Variants in NRG1 observed in about 807,000 individuals in gnomAD.
NRG1 encodes neuregulin 1, also known as pro-neuregulin-1, membrane-bound isoform.
A neutral mutation model predicts 63.8 loss-of-function variants in NRG1; 18 were observed. The observed-to-expected ratio is 0.28, with a 90% CI of 0.19 to 0.42. The LOEUF (loss-of-function observed/expected upper bound fraction) is 0.42, where lower values mean the gene tolerates loss of function less well. NRG1 is among the 10% of genes least tolerant of loss of function. The pLI, the probability that NRG1 is intolerant of heterozygous loss-of-function variation, is 1.00. For missense variants in NRG1, 762 were observed against 814.7 expected (o/e 0.94, Z 0.79); for synonymous variants, 302 against 301.3 (o/e 1.00, Z -0.02).
At chr8:32,625,038 T>A (rs918810692) in intron 5 of NRG1, among the ~76,000 whole-genome samples, 2 of 152,210 alleles carry the variant, frequency 1.3e-5, no homozygotes, top group Non-Finnish European at 2.9e-5. Context: ...TAACACTGAT[T>A]GAGGTTTTAT....
chr8:32,383,230 GACA>G (rs368231527), intron 1 of NRG1, among the ~76,000 whole-genome samples: 10 of 152,002 alleles, frequency 6.6e-5, no homozygotes, highest in African/African-American at 2.4e-4. Flanking sequence ...GTCTCTAAAA[GACA>G]ACAACAAAAA....
chr8:31,776,216 G>A (rs921125370), intron 1 of NRG1, among the ~76,000 whole-genome samples: 4 of 152,168 alleles, frequency 2.6e-5, no homozygotes, highest in Non-Finnish European at 5.9e-5. Context: ...ATGAAAGTTC[G>A]AGAACCACTG....
At chr8:32,276,086 C>T (rs1852069507) in intron 1 of NRG1, among the ~76,000 whole-genome samples, 1 of 152,122 alleles carries the variant, frequency 6.6e-6, no homozygotes, top group African/African-American at 2.4e-5. Flanking sequence ...AAAAGATACC[C>T]CAGAGTATTG....
intron 1 of NRG1, among the ~76,000 whole-genome samples, chr8:32,409,492 A>G (rs1040563088): frequency 7.2e-5 from 11 of 152,356 alleles, no homozygotes; most frequent in African/African-American, 2.6e-4. Context: ...GGGTGAAAAT[A>G]CTTGCAAAGT....
chr8:31,742,041 C>T (rs1371518588), intron 1 of NRG1, among the ~76,000 whole-genome samples: 1 of 151,984 alleles, frequency 6.6e-6, no homozygotes, highest in East Asian at 1.9e-4. Context: ...CAGTGTTACT[C>T]ATCAATCTGG....
In NRG1 at chr8:32,223,313, T is replaced by C. The variant is rs536777183; in HGVS notation, c.38-372515T>C. 1.2e-4 allele frequency among the ~76,000 whole-genome samples: 18 copies of C among 152,374 alleles called. No individual in the cohort carries two copies. The South Asian group carries it at 3.1e-3, about 26-fold the overall frequency. On this transcript the variant is annotated intron_variant, in intron 1 of 10. Coordinates refer to the NRG1 transcript ENST00000519301. ...GTATTTTATTGGTATAAAATAACTT[T>C]AGAGTTCTATTTCATTGCATTGCAA...
At chr8:32,003,613 T>G (rs1813292446) in intron 1 of NRG1, among the ~76,000 whole-genome samples, 1 of 151,970 alleles carries the variant, frequency 6.6e-6, no homozygotes, top group Non-Finnish European at 1.5e-5. Context: ...AAAAAATAAA[T>G]AAATCAAGGA....
chr8:32,577,328 A>C (rs1038601741), intron 1 of NRG1, among the ~76,000 whole-genome samples: 2 of 152,116 alleles, frequency 1.3e-5, no homozygotes, highest in Non-Finnish European at 2.9e-5. Context: ...TTTCATATTC[A>C]TTTTAGTAAA....
intron 1 of NRG1, among the ~76,000 whole-genome samples, chr8:32,154,111 G>A (rs1246881295): frequency 2.0e-5 from 3 of 152,216 alleles, no homozygotes; most frequent in African/African-American, 7.2e-5. Flanking sequence ...ATGGAAGTTT[G>A]TATAAACTAG....
intron 5 of NRG1, among the ~76,000 whole-genome samples, chr8:32,725,195 C>T (rs1378578754): frequency 6.6e-6 from 1 of 152,002 alleles, no homozygotes; most frequent in Non-Finnish European, 1.5e-5. Flanking sequence ...TGGCATTTGT[C>T]CTGAGAGAGC....
At position 32,233,441 on chromosome 8, in the gene NRG1, C is replaced by T. The variant is rs1173058607; in HGVS notation, c.38-362387C>T. ...ATTATAAATAAATACCAATAATGTA[C>T]TTTCACATATGAAAAGGCTATAAAA... On this transcript the variant is annotated intron_variant, in intron 1 of 10. Transcript: ENST00000519301. Among the ~76,000 whole-genome samples, 5 of 150,044 alleles carry T rather than the reference C, an allele frequency of 3.3e-5. No homozygotes were observed. In the East Asian group the frequency reaches 7.9e-4, roughly 24 times the overall value.
intron 1 of NRG1, among the ~76,000 whole-genome samples, chr8:32,444,077 C>T (rs947696456): frequency 2.2e-4 from 31 of 140,432 alleles, no homozygotes; most frequent in African/African-American, 8.0e-4. Flanking sequence ...TCTCTTCCCT[C>T]CCTCCCTCCC....
At chr8:31,808,845 C>T (rs1295424388) in intron 1 of NRG1, among the ~76,000 whole-genome samples, 4 of 151,984 alleles carry the variant, frequency 2.6e-5, no homozygotes, top group Non-Finnish European at 5.9e-5. Context: ...TAGATGTGAA[C>T]ATAAGGTGTC....
rs906784985 is a variant in NRG1, at chr8:31,981,315, GT to G, written c.37+341891del. Among the ~76,000 whole-genome samples the G allele has an allele frequency of 3.9e-5, 6 of 151,936 alleles. 1 individual carries two copies. In the South Asian group the frequency reaches 1.2e-3, roughly 32 times the overall value. ...GTAAACAACTTAGGAACTGCCTCTT[GT>G]TTTTTTCCTAAAAAAACCCACTTGT... On this transcript the variant is annotated intron_variant, in intron 1 of 10. Coordinates refer to the NRG1 transcript ENST00000519301.
chr8:31,665,672 G>C (rs1484071374), intron 1 of NRG1, among the ~76,000 whole-genome samples: 2 of 152,098 alleles, frequency 1.3e-5, no homozygotes, highest in South Asian at 4.1e-4. Context: ...CTTTATGAAA[G>C]TTTTCTTTGA....
At chr8:31,717,244 TA>T (rs1436203441) in intron 1 of NRG1, among the ~76,000 whole-genome samples, 6 of 151,462 alleles carry the variant, frequency 4.0e-5, no homozygotes, top group Non-Finnish European at 7.4e-5. Context: ...CTGTGTCTAC[TA>T]AAAAAACAAA....
At chr8:32,005,404 G>T (rs1284153050) in intron 1 of NRG1, among the ~76,000 whole-genome samples, 1 of 151,946 alleles carries the variant, frequency 6.6e-6, no homozygotes, top group Non-Finnish European at 1.5e-5. Context: ...AATTACATGT[G>T]AGCCATTCCT....
chr8:32,198,269 C>T (rs1342091649), intron 1 of NRG1, among the ~76,000 whole-genome samples: 1 of 152,074 alleles, frequency 6.6e-6, no homozygotes, highest in African/African-American at 2.4e-5. Flanking sequence ...CCTCTGCCTC[C>T]TGGGTCCTAG....
intron 5 of NRG1, among the ~76,000 whole-genome samples, chr8:32,638,614 G>A (rs1385917256): frequency 2.6e-5 from 4 of 152,104 alleles, no homozygotes; most frequent in Non-Finnish European, 4.4e-5. Context: ...GGGCAGGAGC[G>A]ACCATGTTGG....
Sources: allele counts gnomAD v4.1 joint callset (sites outside exome capture counted in the v4.1 genomes callset), GRCh38; gene constraint gnomAD v4.1.1; transcripts MANE v1.5; gene names NCBI Gene and HGNC (gene_info 2026-07-23, HGNC 2026-07-21).